FAM171B: variants seen among roughly 807,000 people sequenced by gnomAD.
FAM171B encodes the protein protein FAM171B.
A neutral mutation model predicts 75.6 loss-of-function variants in FAM171B; 19 were observed. That is an observed-to-expected ratio of 0.25 (90% CI 0.18 to 0.37). FAM171B has a LOEUF of 0.37. Ranked by LOEUF, FAM171B falls within the 10% of genes least tolerant of loss-of-function variation. The probability of loss-of-function intolerance (pLI) is 1.00; values close to 1 mark genes in which losing one functional copy is unlikely to be tolerated. For missense variants in FAM171B, 848 were observed against 982.4 expected (o/e 0.86, Z 1.83); for synonymous variants, 367 against 361.7 (o/e 1.01, Z -0.17).
At chr2:186,696,256 A>C (rs933836686) in intron 1 of FAM171B, among the ~76,000 whole-genome samples, 6 of 152,080 alleles carry the variant, frequency 3.9e-5, no homozygotes, top group African/African-American at 1.4e-4. Flanking sequence ...TAATTACCCA[A>C]GCCAGTGGCA....
At chr2:186,730,174 T>C (rs1690094301) in intron 1 of FAM171B, among the ~76,000 whole-genome samples, 1 of 152,238 alleles carries the variant, frequency 6.6e-6, no homozygotes, top group Admixed American at 6.5e-5. Context: ...TTGGCCAGGA[T>C]GGTCTCAATC....
At chr2:186,712,251 A>G (rs1176332293) in intron 1 of FAM171B, among the ~76,000 whole-genome samples, 1 of 152,120 alleles carries the variant, frequency 6.6e-6, no homozygotes, top group South Asian at 2.1e-4. Flanking sequence ...AGAGTTTTAT[A>G]ATGTTTAATT....
chr2:186,731,457 A>G (rs1405157444), intron 1 of FAM171B, among the ~76,000 whole-genome samples: 1 of 152,202 alleles, frequency 6.6e-6, no homozygotes, highest in Non-Finnish European at 1.5e-5. Context: ...TCCTGATAGA[A>G]TCTATCTGGC....
Position 186,761,962 on chromosome 2 carries a change from C to T in FAM171B, c.1620C>T (p.Ala540=). Residue 540 remains alanine, a synonymous_variant, in exon 8 of 8, where the codon GCC becomes GCT. Transcript: ENST00000304698. ...QLMHIYSQPI[A]ILQTSDLFST... is the part of the protein sequence containing the mutation. ...TGCATATTTACAGCCAACCCATTGCCATCCTTCAAACATCTGACCTTTTCT... is the reference window on the plus strand; with the variant it reads ...TGCATATTTACAGCCAACCCATTGCTATCCTTCAAACATCTGACCTTTTCT... 6.2e-7 allele frequency: 1 copy of T among 1,613,416 alleles called. No individual in the cohort carries two copies. The highest frequency in any genetic ancestry group is 2.2e-5 in the East Asian group (1 of 44,806).
At position 186,698,150 on chromosome 2, in the gene FAM171B, T is replaced by G. The variant is rs545833641; in HGVS notation, c.238+3739T>G. Among the ~76,000 whole-genome samples, 6 of 152,188 alleles carry G rather than the reference T, an allele frequency of 3.9e-5. No homozygotes were observed. In the East Asian group the frequency reaches 1.2e-3, roughly 29 times the overall value. ...ATATTATATTAATTCTGATGGCCCATTAGATGGGAGGCATGCTGGGGTTGG... is the reference window on the plus strand; with the variant it reads ...ATATTATATTAATTCTGATGGCCCAGTAGATGGGAGGCATGCTGGGGTTGG... On this transcript the variant is annotated intron_variant, in intron 1 of 7. Coordinates refer to ENST00000304698, the MANE Select transcript of FAM171B (RefSeq NM_177454.4).
chr2:186,759,774 G>T (rs1032337598), intron 6 of FAM171B, among the ~76,000 whole-genome samples: 1 of 151,830 alleles, frequency 6.6e-6, no homozygotes, highest in Non-Finnish European at 1.5e-5. Context: ...TTTGTTGATT[G>T]TTTGCTTTGC....
chr2:186,757,629 G>A (rs896523510), intron 6 of FAM171B, among the ~76,000 whole-genome samples: 9 of 152,174 alleles, frequency 5.9e-5, no homozygotes, highest in Non-Finnish European at 1.0e-4. Flanking sequence ...CTGTAGGAGA[G>A]TAGGTGGTTG....
chr2:186,707,081 C>A (rs965975735), intron 1 of FAM171B, among the ~76,000 whole-genome samples: 7 of 152,134 alleles, frequency 4.6e-5, no homozygotes, highest in Non-Finnish European at 7.3e-5. Context: ...TTCTAAGACT[C>A]CCCAGAGCTC....
At chr2:186,701,425 T>C (rs1276700330) in intron 1 of FAM171B, among the ~76,000 whole-genome samples, 1 of 152,232 alleles carries the variant, frequency 6.6e-6, no homozygotes, top group Non-Finnish European at 1.5e-5. Flanking sequence ...ATAGTCCTCA[T>C]GCTGTACCTT....
chr2:186,758,588 T>C (rs1690568451), intron 6 of FAM171B, among the ~76,000 whole-genome samples: 1 of 152,136 alleles, frequency 6.6e-6, no homozygotes, highest in Non-Finnish European at 1.5e-5. Flanking sequence ...ATTATATAGC[T>C]TTTTGAGCAC....
intron 6 of FAM171B, among the ~76,000 whole-genome samples, chr2:186,755,835 A>G (rs1175784558): frequency 6.6e-6 from 1 of 152,144 alleles, no homozygotes; most frequent in Admixed American, 6.6e-5. Context: ...TTTTATTTCT[A>G]TTTGAACTTA....
At chr2:186,744,558 G>A (rs1023348559) in intron 3 of FAM171B, among the ~76,000 whole-genome samples, 5 of 152,038 alleles carry the variant, frequency 3.3e-5, no homozygotes, top group African/African-American at 7.2e-5. Flanking sequence ...ACAGAGTTTC[G>A]CTCTTGTTGC....
Position 186,747,082 on chromosome 2 carries a change from T to C in FAM171B, c.566-10T>C. On this transcript the variant is annotated splice_polypyrimidine_tract_variant and intron_variant, in intron 3 of 7. Coordinates refer to ENST00000304698, the MANE Select transcript of FAM171B (RefSeq NM_177454.4). ...TTATCTCTTTGTTAATGAGGTTTCC[T>C]TTTTTCCAGATGCCAAGTCTCAACC... The C allele has an allele frequency of 6.4e-7, 1 of 1,560,466 alleles. No homozygotes were observed. The highest frequency in any genetic ancestry group is 1.4e-5 in the African/African-American group (1 of 72,456).
At chr2:186,731,629 A>C (rs926245327) in intron 1 of FAM171B, among the ~76,000 whole-genome samples, 1 of 152,204 alleles carries the variant, frequency 6.6e-6, no homozygotes, top group African/African-American at 2.4e-5. Flanking sequence ...AAAGCCCATC[A>C]TGTCATATAT....
chr2:186,703,568 G>A (rs1689696030), intron 1 of FAM171B, among the ~76,000 whole-genome samples: 1 of 152,304 alleles, frequency 6.6e-6, no homozygotes, highest in South Asian at 2.1e-4. Flanking sequence ...GGATGGGTAG[G>A]TAGGTGATTT....
At chr2:186,758,333 C>A (rs1436459710) in intron 6 of FAM171B, among the ~76,000 whole-genome samples, 1 of 152,120 alleles carries the variant, frequency 6.6e-6, no homozygotes, top group African/African-American at 2.4e-5. Flanking sequence ...GCTGTAAAGT[C>A]TACATGCATA....
At chr2:186,708,522 G>A (rs1426395221) in intron 1 of FAM171B, among the ~76,000 whole-genome samples, 1 of 152,126 alleles carries the variant, frequency 6.6e-6, no homozygotes, top group East Asian at 1.9e-4. Context: ...GTATATTTGA[G>A]GTGTGTATAG....
Position 186,762,638 on chromosome 2 carries a change from G to A in FAM171B, c.2296G>A (p.Gly766Arg), listed in dbSNP as rs746574891. ...CCCAGCTTTAAGGCACATCCTAGATGGAGGGAGTGGAGTGATCATGGAGCA... is the reference window on the plus strand; with the variant it reads ...CCCAGCTTTAAGGCACATCCTAGATAGAGGGAGTGGAGTGATCATGGAGCA... Reference protein sequence around the residue: ...EDPALRHILDGGSGVIMEHPG... With the variant: ...EDPALRHILDRGSGVIMEHPG... Residue 766 changes from glycine to arginine, a missense_variant, in exon 8 of 8, where the codon GGA (glycine) becomes AGA (arginine). Around this residue, in one of 3 missense-constraint regions of FAM171B, gnomAD observed 136 missense variants for 159.3 expected, o/e 0.85. Transcript: ENST00000304698. The surrounding 1 kb of genome is among the most constrained non-coding windows in gnomAD (Gnocchi z 4.0). The A allele has an allele frequency of 6.2e-7, 1 of 1,613,314 alleles. No homozygotes were observed. The highest frequency in any genetic ancestry group is 2.2e-5 in the East Asian group (1 of 44,846).
chr2:186,762,235 C>A lies in FAM171B; in HGVS notation c.1893C>A (p.Val631=), dbSNP rs1189967643. ...ACTCAAGCAGCTTACTGGAATCCGT[C>A]TCTGTTCCTGGAACACTAAATGAGG... ...SRYSSSLLES[V]SVPGTLNEAV... The change falls in exon 8 of 8, where the codon GTC becomes GTA. Residue 631 remains valine, a synonymous_variant. Transcript: ENST00000304698. This position sits in a 1 kb window ranked among gnomAD's most constrained non-coding sequence, Gnocchi z 4.0. The A allele has an allele frequency of 6.2e-7, 1 of 1,613,710 alleles. No homozygotes were observed. The highest frequency in any genetic ancestry group is 2.2e-5 in the East Asian group (1 of 44,846).
Sources: gnomAD v4.1 joint callset for allele counts (sites outside exome capture counted in the v4.1 genomes callset) on GRCh38, gnomAD v4.1.1 for gene constraint, gnomAD v4.1.1 regional missense constraint, Gnocchi (gnomAD v3.1) non-coding constraint, MANE v1.5 for transcripts, NCBI Gene and HGNC (gene_info 2026-07-23, HGNC 2026-07-21) for gene names.